The following CHST9 variants were observed in gnomAD, a reference collection of about 807,000 sequenced individuals.
The protein encoded by CHST9 is GalNAc-4-sulfotransferase 2.
In CHST9, 41 loss-of-function variants were observed where a neutral mutation model predicts 44.4. The ratio of observed to expected loss-of-function variants is 0.92; its 90% CI spans 0.72 to 1.20. CHST9 has a LOEUF of 1.20. Ranked by LOEUF, CHST9 falls within the 50% of genes most tolerant of loss-of-function variation. The probability of loss-of-function intolerance (pLI) is 0.00; values close to 1 mark genes in which losing one functional copy is unlikely to be tolerated. For missense variants in CHST9, 504 were observed against 516.5 expected, an observed-to-expected ratio of 0.98 and a Z score of 0.23; for synonymous variants, 171 against 178.4, an observed-to-expected ratio of 0.96 and a Z score of 0.33.
intron 2 of CHST9, among the ~76,000 whole-genome samples, chr18:27,138,806 G>T (rs538545415): frequency 4.0e-5 from 6 of 151,892 alleles, no homozygotes; most frequent in Non-Finnish European, 8.8e-5. Context: ...TTTGCCCAGG[G>T]TTACAAAGCT....
At chr18:27,117,155 A>G (rs2058331488) in intron 2 of CHST9, among the ~76,000 whole-genome samples, 1 of 152,186 alleles carries the variant, frequency 6.6e-6, no homozygotes, top group Non-Finnish European at 1.5e-5. Context: ...GATGTATGTT[A>G]TATTTAAATT....
rs183267001 is a variant in CHST9, at chr18:26,941,385, G to A, written c.240+2944C>T. On this transcript the variant is annotated intron_variant, in intron 5 of 5. Coordinates refer to ENST00000618847, the MANE Select transcript of CHST9 (RefSeq NM_031422.6). ...TATATAAAAAGGCATAAACATAAAA[G>A]GTTTTAATTGTCTTTTATATAATAA... Among the ~76,000 whole-genome samples the A allele has an allele frequency of 1.6e-4, 24 of 152,072 alleles. No homozygotes were observed. In the East Asian group the frequency reaches 3.7e-3, roughly 23 times the overall value.
intron 2 of CHST9, among the ~76,000 whole-genome samples, chr18:27,107,360 C>T (rs9961915): frequency 0.42 from 63,271 of 152,022 alleles, 14,673 homozygotes; most frequent in African/African-American, 0.62. Context: ...TGGCTTTGGT[C>T]GCCTGTTCAG....
Position 26,917,263 on chromosome 18 carries a change from T to C in CHST9, c.328A>G (p.Lys110Glu). 1 of 1,613,882 alleles carries C rather than the reference T, an allele frequency of 6.2e-7. No homozygotes were observed. ...NSERSTRLLT[K>E]TSHSQGGDQA... Reference sequence around the variant, plus strand: ...TCCCCTCCTTGTGAATGACTGGTCTTTGTTAAGAGCCTAGTAGATCTCTCA... The same window carrying C: ...TCCCCTCCTTGTGAATGACTGGTCTCTGTTAAGAGCCTAGTAGATCTCTCA... Residue 110 changes from lysine (K) to glutamate (E), a missense_variant, in exon 6 of 6, where the codon AAG becomes GAG. By Grantham distance (56) the Lys-to-Glu change is moderately conservative. Coordinates refer to ENST00000618847, the MANE Select transcript of CHST9 (RefSeq NM_031422.6).
rs550342273 is a variant in CHST9, at chr18:27,000,899, C to CA, written c.202+23216_202+23217insT. Among the ~76,000 whole-genome samples, 586 of 152,276 alleles carry CA rather than the reference C, an allele frequency of 3.8e-3. 3 individuals carry two copies. The highest frequency in any genetic ancestry group is 0.014 in the African/African-American group (571 of 41,550). On this transcript the variant is annotated intron_variant, in intron 4 of 5. Transcript: ENST00000618847. ...AACCATGCTCTCAAGATTCACCCCC[C>CA]CATCTCTGAATTGTCTAATCACATC...
intron 2 of CHST9, among the ~76,000 whole-genome samples, chr18:27,091,261 T>C (rs2058066023): frequency 6.6e-6 from 1 of 152,184 alleles, no homozygotes; most frequent in African/African-American, 2.4e-5. Flanking sequence ...GTTAATGGTG[T>C]ATAGGAATGC....
At chr18:27,178,863 A>G (rs929397435) in intron 1 of CHST9, among the ~76,000 whole-genome samples, 1 of 152,046 alleles carries the variant, frequency 6.6e-6, no homozygotes, top group African/African-American at 2.4e-5. Flanking sequence ...CTATAAGCAT[A>G]CTTCATAGCA....
At chr18:27,114,685 T>C (rs970312821) in intron 2 of CHST9, among the ~76,000 whole-genome samples, 4 of 152,252 alleles carry the variant, frequency 2.6e-5, no homozygotes, top group African/African-American at 9.6e-5. Flanking sequence ...TGGGCATTAA[T>C]ATATATGAAA....
chr18:26,933,357 G>A (rs2055915891), intron 5 of CHST9, among the ~76,000 whole-genome samples: 1 of 152,176 alleles, frequency 6.6e-6, no homozygotes, highest in Admixed American at 6.5e-5. Flanking sequence ...AGATAATGAT[G>A]CCCACCCAAT....
At chr18:27,122,075 T>A (rs921636934) in intron 2 of CHST9, among the ~76,000 whole-genome samples, 5 of 151,878 alleles carry the variant, frequency 3.3e-5, no homozygotes, top group African/African-American at 1.2e-4. Flanking sequence ...AAAGCAGGAG[T>A]ATGGATAAGA....
intron 4 of CHST9, among the ~76,000 whole-genome samples, chr18:26,972,822 T>A (rs1229799013): frequency 6.6e-6 from 1 of 152,098 alleles, no homozygotes; most frequent in Non-Finnish European, 1.5e-5. Context: ...ATACCAGATT[T>A]CCTTTCAAGT....
At chr18:27,087,521 A>G (rs2143701334) in intron 2 of CHST9, among the ~76,000 whole-genome samples, 1 of 152,274 alleles carries the variant, frequency 6.6e-6, no homozygotes, top group African/African-American at 2.4e-5. Flanking sequence ...TCCTTTTAAT[A>G]AGGAAAGTGT....
intron 4 of CHST9, among the ~76,000 whole-genome samples, chr18:27,005,820 A>C (rs940698956): frequency 6.6e-6 from 1 of 152,062 alleles, no homozygotes; most frequent in Non-Finnish European, 1.5e-5. Context: ...GAAGCTTAAG[A>C]TTTGAACAGT....
chr18:27,055,962 G>GTGTGTGTA (rs757026804), intron 2 of CHST9, among the ~76,000 whole-genome samples: 1 of 151,584 alleles, frequency 6.6e-6, no homozygotes, highest in Non-Finnish European at 1.5e-5. Context: ...GTGTGTGTGT[G>GTGTGTGTA]TATACACAAG....
At chr18:27,116,276 G>T (rs890422186) in intron 2 of CHST9, among the ~76,000 whole-genome samples, 1 of 152,042 alleles carries the variant, frequency 6.6e-6, no homozygotes. Context: ...TTAGGTCTTT[G>T]ATTAATTTTG....
intron 2 of CHST9, among the ~76,000 whole-genome samples, chr18:27,053,727 A>G (rs2057616565): frequency 6.6e-6 from 1 of 152,182 alleles, no homozygotes; most frequent in Non-Finnish European, 1.5e-5. Context: ...CAAGCATCAC[A>G]GAGAGGAGTT....
At chr18:27,006,360 C>A (rs16943160) in intron 4 of CHST9, among the ~76,000 whole-genome samples, 23,934 of 152,106 alleles carry the variant, frequency 0.16, 2,087 homozygotes, top group East Asian at 0.26. Context: ...AGAAGTCCAC[C>A]AATTCCAATG....
intron 1 of CHST9, among the ~76,000 whole-genome samples, chr18:27,170,988 C>A (rs1039568357): frequency 2.0e-5 from 3 of 152,216 alleles, no homozygotes; most frequent in African/African-American, 7.2e-5. Context: ...ATAGCACACT[C>A]TCCTACCGTT....
At chr18:27,151,775 T>C (rs1223779752) in intron 1 of CHST9, among the ~76,000 whole-genome samples, 1 of 152,138 alleles carries the variant, frequency 6.6e-6, no homozygotes, top group Non-Finnish European at 1.5e-5. Context: ...GGAAACAGAT[T>C]CTACCCAGAG....
Sources: gnomAD v4.1 joint callset for allele counts (sites outside exome capture counted in the v4.1 genomes callset) on GRCh38, gnomAD v4.1.1 for gene constraint, MANE v1.5 for transcripts, NCBI Gene and HGNC (gene_info 2026-07-23, HGNC 2026-07-21) for gene names.